The following KIAA0825 variants were observed in gnomAD, a reference collection of about 807,000 sequenced individuals.
The protein encoded by KIAA0825 is uncharacterized protein KIAA0825.
A neutral mutation model predicts 147.6 loss-of-function variants in KIAA0825; 119 were observed. The ratio of observed to expected loss-of-function variants is 0.81; its 90% confidence interval spans 0.69 to 0.94. KIAA0825 has a LOEUF of 0.94. KIAA0825 is among the 40% of genes least tolerant of loss of function. The probability of loss-of-function intolerance (pLI) is 0.00; values close to 1 mark genes in which losing one functional copy is unlikely to be tolerated. For synonymous variants in KIAA0825, 470 were observed against 518.1 expected, an observed-to-expected ratio of 0.91 and a Z score of 1.26; for missense variants, 1,381 against 1,472.7, an observed-to-expected ratio of 0.94 and a Z score of 1.02.
intron 12 of KIAA0825, among the ~76,000 whole-genome samples, chr5:94,461,529 G>A (rs1317909399): frequency 6.6e-6 from 1 of 151,828 alleles, no homozygotes; most frequent in Non-Finnish European, 1.5e-5. Flanking sequence ...TCTCAACTTG[G>A]GTTGCTAGAA....
chr5:94,464,318 C>A (rs1004344795), intron 11 of KIAA0825, among the ~76,000 whole-genome samples: 1 of 152,104 alleles, frequency 6.6e-6, no homozygotes, highest in African/African-American at 2.4e-5. Context: ...TGCTGCTCCT[C>A]ATTTTCTGTG....
chr5:94,468,925 C>T (rs1760881380), intron 10 of KIAA0825, among the ~76,000 whole-genome samples: 1 of 152,066 alleles, frequency 6.6e-6, no homozygotes, highest in Non-Finnish European at 1.5e-5. Context: ...TTTAAAAATC[C>T]TGATTACCTT....
At chr5:94,228,652 C>T (rs1228404559) in intron 20 of KIAA0825, among the ~76,000 whole-genome samples, 1 of 152,160 alleles carries the variant, frequency 6.6e-6, no homozygotes, top group Non-Finnish European at 1.5e-5. Context: ...TTCAGGTTTC[C>T]AGTCCCTACG....
At chr5:94,461,874 T>C (rs914815452) in intron 12 of KIAA0825, among the ~76,000 whole-genome samples, 7 of 151,980 alleles carry the variant, frequency 4.6e-5, no homozygotes, top group East Asian at 3.8e-4. Flanking sequence ...CAGATTTGAA[T>C]TGAATTAACC....
intron 2 of KIAA0825, among the ~76,000 whole-genome samples, chr5:94,541,550 C>A (rs952079591): frequency 6.6e-6 from 1 of 152,148 alleles, no homozygotes; most frequent in Non-Finnish European, 1.5e-5. Context: ...AAAAAAAATT[C>A]TGTGTGTGAA....
At chr5:94,496,747 G>A (rs1764410137) in intron 5 of KIAA0825, among the ~76,000 whole-genome samples, 2 of 152,172 alleles carry the variant, frequency 1.3e-5, no homozygotes, top group African/African-American at 4.8e-5. Flanking sequence ...CCTGTCCCGT[G>A]GAACATGGGC....
intron 20 of KIAA0825, among the ~76,000 whole-genome samples, chr5:94,351,097 G>C (rs182410340): frequency 1.3e-5 from 2 of 152,064 alleles, no homozygotes; most frequent in African/African-American, 2.4e-5. Context: ...AGAAATAAAG[G>C]GCATCCAAAT....
At chr5:94,167,213 C>G (rs1768130292) in intron 20 of KIAA0825, among the ~76,000 whole-genome samples, 1 of 152,106 alleles carries the variant, frequency 6.6e-6, no homozygotes, top group South Asian at 2.1e-4. Flanking sequence ...TGTTTTAAAA[C>G]CCATGTTTTA....
chr5:94,317,393 C>A (rs1215495589), intron 20 of KIAA0825, among the ~76,000 whole-genome samples: 3 of 151,824 alleles, frequency 2.0e-5, no homozygotes, highest in Non-Finnish European at 4.4e-5. Flanking sequence ...CTCAGCACTG[C>A]ACAGATCTAC....
chr5:94,342,969 A>C (rs2150336622), intron 20 of KIAA0825, among the ~76,000 whole-genome samples: 1 of 152,290 alleles, frequency 6.6e-6, no homozygotes, highest in South Asian at 2.1e-4. Flanking sequence ...GAGAAAACAA[A>C]AGCTTATAAA....
At chr5:94,261,856 G>A (rs1257974212) in intron 20 of KIAA0825, among the ~76,000 whole-genome samples, 2 of 151,894 alleles carry the variant, frequency 1.3e-5, no homozygotes, top group African/African-American at 2.4e-5. Flanking sequence ...CATCATTTCT[G>A]TATAGTATTA....
rs867308807 is a variant in KIAA0825, at chr5:94,372,599, T to C, written c.3710+11769A>G. On this transcript the variant is annotated intron_variant, in intron 20 of 20. Transcript: ENST00000682413. The stretch of plus-strand genomic sequence containing the variant: ...GAAGCAGCTGGGATGCAGGGCACCA[T>C]GTCCCAGGGCTGCACAGAGGAGGGG... Among the ~76,000 whole-genome samples the C allele has an allele frequency of 2.0e-5, 3 of 152,312 alleles. No homozygotes were observed. The South Asian group carries it at 6.2e-4, about 32-fold the overall frequency.
intron 20 of KIAA0825, among the ~76,000 whole-genome samples, chr5:94,276,079 C>T (rs1475131336): frequency 6.7e-6 from 1 of 150,184 alleles, no homozygotes; most frequent in Non-Finnish European, 1.5e-5. Context: ...GACTATAAAA[C>T]CTTCACTGCA....
At chr5:94,307,145 T>G (rs1778794970) in intron 20 of KIAA0825, among the ~76,000 whole-genome samples, 1 of 151,854 alleles carries the variant, frequency 6.6e-6, no homozygotes, top group Non-Finnish European at 1.5e-5. Context: ...TTACCACTGA[T>G]AGTCTTTAGA....
chr5:94,257,073 A>G (rs1307371601), intron 20 of KIAA0825, among the ~76,000 whole-genome samples: 1 of 152,180 alleles, frequency 6.6e-6, no homozygotes, highest in Admixed American at 6.6e-5. Flanking sequence ...CAACTAAAAA[A>G]TTTACACCAA....
At chr5:94,442,561 A>C (rs1450533365) in intron 13 of KIAA0825, among the ~76,000 whole-genome samples, 1 of 152,172 alleles carries the variant, frequency 6.6e-6, no homozygotes, top group African/African-American at 2.4e-5. Flanking sequence ...AACTCACTAG[A>C]TGAGCCCTTT....
At position 94,214,142 on chromosome 5, in the gene KIAA0825, C is replaced by G. The variant is rs1772996958; in HGVS notation, c.3711-60018G>C. Among the ~76,000 whole-genome samples the G allele has an allele frequency of 3.9e-5, 6 of 152,232 alleles. No individual in the cohort carries two copies. The South Asian group carries it at 1.2e-3, about 32-fold the overall frequency. ...AAATGCTAGGATTACAGGCATGAACCACTGCACCCGGCCCTGGATAATTTT... is the reference window on the plus strand; with the variant it reads ...AAATGCTAGGATTACAGGCATGAACGACTGCACCCGGCCCTGGATAATTTT... On this transcript the variant is annotated intron_variant, in intron 20 of 20. Transcript: ENST00000682413.
chr5:94,441,406 C>A (rs1217384728), intron 13 of KIAA0825, among the ~76,000 whole-genome samples: 1 of 152,186 alleles, frequency 6.6e-6, no homozygotes, highest in Admixed American at 6.5e-5. Flanking sequence ...GACCAATTAG[C>A]ATCCTCTTTC....
intron 18 of KIAA0825, among the ~76,000 whole-genome samples, chr5:94,390,153 G>C (rs764493859): frequency 6.6e-6 from 1 of 152,080 alleles, no homozygotes; most frequent in Non-Finnish European, 1.5e-5. Context: ...ATTCAATTTT[G>C]GATGATATTG....
Sources: gnomAD v4.1 joint callset for allele counts (sites outside exome capture counted in the v4.1 genomes callset) on GRCh38, gnomAD v4.1.1 for gene constraint, MANE v1.5 for transcripts, NCBI Gene and HGNC (gene_info 2026-07-23, HGNC 2026-07-21) for gene names.